TRIM9: variants seen among roughly 807,000 people sequenced by gnomAD.
TRIM9 encodes E3 ubiquitin-protein ligase TRIM9.
A neutral mutation model predicts 78.3 loss-of-function variants in TRIM9; 26 were observed. That is an observed-to-expected ratio of 0.33 (90% CI 0.24 to 0.46). The LOEUF is 0.46. TRIM9 is among the 20% of genes least tolerant of loss of function. TRIM9 has a pLI of 1.00. For missense variants in TRIM9, 787 were observed against 1,036.4 expected, an observed-to-expected ratio of 0.76 and a Z score of 3.30; for synonymous variants, 398 against 416.5, an observed-to-expected ratio of 0.96 and a Z score of 0.54.
chr14:51,029,090 G>T (rs1441483538), intron 1 of TRIM9, among the ~76,000 whole-genome samples: 4 of 152,062 alleles, frequency 2.6e-5, no homozygotes, highest in Non-Finnish European at 5.9e-5. Flanking sequence ...AGTGTGCCCA[G>T]GCAGAAGACA....
intron 7 of TRIM9, among the ~76,000 whole-genome samples, chr14:50,993,809 G>A (rs59851765): frequency 0.014 from 2,076 of 152,272 alleles, 43 homozygotes; most frequent in African/African-American, 0.047. Context: ...GCACCACAGC[G>A]GACTGTGCTG....
chr14:51,002,297 T>TC (rs1302105987), intron 5 of TRIM9, among the ~76,000 whole-genome samples: 1 of 151,306 alleles, frequency 6.6e-6, no homozygotes, highest in East Asian at 1.9e-4. Context: ...GATTTTTTTT[T>TC]TTTCTTTTTG....
intron 1 of TRIM9, among the ~76,000 whole-genome samples, chr14:51,077,696 C>G (rs749688320): frequency 5.3e-5 from 8 of 152,070 alleles, no homozygotes; most frequent in Non-Finnish European, 1.0e-4. Flanking sequence ...TCCCGGCTGT[C>G]CTAAACCAAT....
intron 7 of TRIM9, among the ~76,000 whole-genome samples, chr14:50,992,332 C>T (rs1210662745): frequency 1.3e-5 from 2 of 151,842 alleles, no homozygotes; most frequent in Non-Finnish European, 2.9e-5. Flanking sequence ...AATCCCAGCA[C>T]TTTGGGAGGT....
intron 1 of TRIM9, among the ~76,000 whole-genome samples, chr14:51,087,289 G>A (rs2063850546): frequency 6.6e-6 from 1 of 152,136 alleles, no homozygotes; most frequent in African/African-American, 2.4e-5. Flanking sequence ...ATGGGATTGT[G>A]ACTAGACCCA....
chr14:51,003,510 TAAG>T (rs773843605), intron 5 of TRIM9, among the ~76,000 whole-genome samples: 4 of 152,214 alleles, frequency 2.6e-5, no homozygotes, highest in Non-Finnish European at 5.9e-5. Context: ...ATGTCTCTGA[TAAG>T]AAACTCAAAT....
chr14:51,025,486 G>T, intron 1 of TRIM9, 126 bp from the exon 2 acceptor site: 1 of 768,194 alleles, frequency 1.3e-6, no homozygotes, highest in Non-Finnish European at 2.1e-6. Context: ...GGACCTTTTT[G>T]CTGGCATTTG....
intron 1 of TRIM9, among the ~76,000 whole-genome samples, chr14:51,029,148 T>A (rs568365836): frequency 6.6e-6 from 1 of 152,122 alleles, no homozygotes; most frequent in Non-Finnish European, 1.5e-5. Context: ...CGTGGCCTTT[T>A]CCCCTCAATT....
At chr14:51,065,360 C>A (rs1160306286) in intron 1 of TRIM9, among the ~76,000 whole-genome samples, 2 of 152,144 alleles carry the variant, frequency 1.3e-5, no homozygotes, top group African/African-American at 4.8e-5. Flanking sequence ...AGAGAGAAGG[C>A]TTTGGTAAAA....
At chr14:51,005,427 C>A (rs138725345) in intron 5 of TRIM9, among the ~76,000 whole-genome samples, 89 of 152,280 alleles carry the variant, frequency 5.8e-4, no homozygotes, top group Non-Finnish European at 1.0e-3. Flanking sequence ...CGTCCTGGTT[C>A]AGAATGAACA....
intron 3 of TRIM9, among the ~76,000 whole-genome samples, chr14:51,018,183 T>G (rs2057397187): frequency 6.6e-6 from 1 of 152,228 alleles, no homozygotes; most frequent in Non-Finnish European, 1.5e-5. Flanking sequence ...GTTCTTGGCT[T>G]GAATTAGTTG....
intron 1 of TRIM9, among the ~76,000 whole-genome samples, chr14:51,043,836 A>G (rs76160186): frequency 2.0e-5 from 2 of 98,982 alleles, no homozygotes; most frequent in East Asian, 4.4e-4. Context: ...TTGGTTTAAC[A>G]TTTTTATTTT....
chr14:51,033,986 T>C lies in TRIM9; in HGVS notation c.823-8626A>G, dbSNP rs867660355. On this transcript the variant is annotated intron_variant, in intron 1 of 12. Transcript: ENST00000684578. ...CATGTATCTGTCCACAAAATAAGTA[T>C]AAATGCTAAAGAATAGAGATTCTGT... 2.0e-5 allele frequency among the ~76,000 whole-genome samples: 3 copies of C among 152,216 alleles called. No individual in the cohort carries two copies. In the South Asian group the frequency reaches 6.2e-4, roughly 32 times the overall value.
chr14:50,981,388 A>G (rs983377136), intron 11 of TRIM9, among the ~76,000 whole-genome samples: 1 of 152,226 alleles, frequency 6.6e-6, no homozygotes, highest in African/African-American at 2.4e-5. Context: ...TAATCTTCAG[A>G]AGATTCCCAC....
At chr14:51,014,080 T>TAAAA (rs2056884510) in intron 3 of TRIM9, among the ~76,000 whole-genome samples, 9 of 152,000 alleles carry the variant, frequency 5.9e-5, no homozygotes, top group Admixed American at 5.9e-4. Context: ...TAACCCAGAG[T>TAAAA]CAGTCTGCTT....
intron 1 of TRIM9, among the ~76,000 whole-genome samples, chr14:51,029,347 C>T (rs959674098): frequency 2.0e-5 from 3 of 152,110 alleles, no homozygotes; most frequent in African/African-American, 7.2e-5. Context: ...CCTCCCCGGG[C>T]GTGGGGCACC....
chr14:51,082,386 T>C (rs1307235605), intron 1 of TRIM9, among the ~76,000 whole-genome samples: 1 of 152,128 alleles, frequency 6.6e-6, no homozygotes, highest in Non-Finnish European at 1.5e-5. Context: ...ATAAACAAAA[T>C]GTGCTATATG....
At chr14:51,068,340 CAAAAACAAA>C (rs757023610) in intron 1 of TRIM9, among the ~76,000 whole-genome samples, 14 of 144,340 alleles carry the variant, frequency 9.7e-5, no homozygotes, top group African/African-American at 1.3e-4. Flanking sequence ...AAAACAAAAA[CAAAAACAAA>C]AACAAAAAAC....
At chr14:51,025,413 A>G (rs1056766359) in intron 1 of TRIM9, 53 bp from the exon 2 acceptor site, 3 of 498,852 alleles carry the variant, frequency 6.0e-6, no homozygotes, top group Non-Finnish European at 9.5e-6. Flanking sequence ...ATACACCAAC[A>G]AGGCCAGCGA....
Sources: gnomAD v4.1 joint callset for allele counts (sites outside exome capture counted in the v4.1 genomes callset) on GRCh38, gnomAD v4.1.1 for gene constraint, MANE v1.5 for transcripts, NCBI Gene and HGNC (gene_info 2026-07-23, HGNC 2026-07-21) for gene names.